Variants in MTRES1 observed in about 807,000 individuals in gnomAD.
The protein encoded by MTRES1 is uncharacterized protein C6orf203.
Under a neutral mutation model 17.4 loss-of-function variants are expected in MTRES1, and 11 were observed. The ratio of observed to expected loss-of-function variants is 0.63; its 90% CI spans 0.40 to 1.05. MTRES1 has a LOEUF of 1.05. Among genes scored for constraint, MTRES1 ranks in the 50% least tolerant of loss-of-function variants. The pLI, the probability that MTRES1 is intolerant of heterozygous loss-of-function variation, is 0.00. For missense variants in MTRES1, 268 were observed against 276.2 expected (o/e 0.97, Z 0.21); for synonymous variants, 94 against 99.6 (o/e 0.94, Z 0.34).
intron 2 of MTRES1, among the ~76,000 whole-genome samples, chr6:107,041,590 ATC>A (rs879963817): frequency 4.6e-5 from 7 of 152,006 alleles, no homozygotes; most frequent in Non-Finnish European, 7.4e-5. Flanking sequence ...CCATGGCACG[ATC>A]TCGGCTCACT....
intron 2 of MTRES1, among the ~76,000 whole-genome samples, chr6:107,042,314 T>C (rs1774245803): frequency 9.4e-6 from 1 of 106,602 alleles, no homozygotes; most frequent in Non-Finnish European, 1.7e-5. Context: ...CACTCCAGCC[T>C]GGGCAACAAA....
chr6:107,036,226 A>G (rs1554226919), intron 1 of MTRES1, among the ~76,000 whole-genome samples: 2 of 152,230 alleles, frequency 1.3e-5, no homozygotes, highest in African/African-American at 2.4e-5. Flanking sequence ...ATTTCTTATA[A>G]TGCAAAATTT....
At chr6:107,041,466 T>C (rs1774212632) in intron 2 of MTRES1, among the ~76,000 whole-genome samples, 1 of 152,184 alleles carries the variant, frequency 6.6e-6, no homozygotes, top group African/African-American at 2.4e-5. Flanking sequence ...GTTGGCTATT[T>C]TGAAGAAAAT....
chr6:107,037,352 G>A (rs949875344), intron 1 of MTRES1, among the ~76,000 whole-genome samples: 2 of 152,064 alleles, frequency 1.3e-5, no homozygotes, highest in Admixed American at 6.6e-5. Flanking sequence ...TTACCGGCAT[G>A]AGCCACCATG....
At chr6:107,032,642 C>T (rs1015634458) in intron 1 of MTRES1, among the ~76,000 whole-genome samples, 10 of 152,036 alleles carry the variant, frequency 6.6e-5, no homozygotes, top group African/African-American at 2.2e-4. Context: ...ACCCAGGAGG[C>T]GGAGGTTGCA....
intron 1 of MTRES1, chr6:107,029,927 C>T (rs1582588258): frequency 4.8e-6 from 3 of 628,746 alleles, no homozygotes; most frequent in Non-Finnish European, 8.5e-6. Flanking sequence ...CTCAATCCCC[C>T]TTACCCTGCT....
At chr6:107,047,082 G>A (rs1017249414) in intron 3 of MTRES1, among the ~76,000 whole-genome samples, 1 of 151,954 alleles carries the variant, frequency 6.6e-6, no homozygotes, top group Non-Finnish European at 1.5e-5. Flanking sequence ...GATTACAGGC[G>A]TGAGCCACCA....
intron 1 of MTRES1, among the ~76,000 whole-genome samples, chr6:107,037,061 G>A (rs1554227025): frequency 6.6e-6 from 1 of 151,846 alleles, no homozygotes; most frequent in Non-Finnish European, 1.5e-5. Flanking sequence ...ATACAGGCGT[G>A]AGCCACTGCG....
chr6:107,034,701 A>G (rs1773950815), intron 1 of MTRES1, among the ~76,000 whole-genome samples: 1 of 152,132 alleles, frequency 6.6e-6, no homozygotes, highest in East Asian at 1.9e-4. Flanking sequence ...AGGAGACTTG[A>G]CCTTGGTCGG....
intron 2 of MTRES1, among the ~76,000 whole-genome samples, chr6:107,041,446 C>G (rs1774211301): frequency 6.6e-6 from 1 of 152,186 alleles, no homozygotes; most frequent in African/African-American, 2.4e-5. Flanking sequence ...ATAGTAAGTA[C>G]TCAACATATG....
chr6:107,028,801 A>G, intron 1 of MTRES1: 5 of 721,048 alleles, frequency 6.9e-6, no homozygotes, highest in South Asian at 6.3e-5. Flanking sequence ...GTCTTCGGTT[A>G]GTTCAGATTG....
intron 1 of MTRES1, chr6:107,028,909 A>G: frequency 4.1e-6 from 4 of 983,974 alleles, no homozygotes; most frequent in Non-Finnish European, 4.8e-6. Context: ...GATCTTTTAA[A>G]ATGAACTTCC....
chr6:107,041,199 T>A (rs1234094491), intron 2 of MTRES1, among the ~76,000 whole-genome samples: 1 of 139,360 alleles, frequency 7.2e-6, no homozygotes, highest in Non-Finnish European at 1.5e-5. Flanking sequence ...CACTCCAGCC[T>A]GGGCGACAGA....
intron 3 of MTRES1, among the ~76,000 whole-genome samples, chr6:107,047,871 G>A (rs1774443815): frequency 2.0e-5 from 3 of 151,974 alleles, no homozygotes; most frequent in African/African-American, 7.2e-5. Flanking sequence ...GGGCAGCAGA[G>A]CGAGACTCCA....
At chr6:107,032,616 C>T (rs782459409) in intron 1 of MTRES1, among the ~76,000 whole-genome samples, 52 of 152,202 alleles carry the variant, frequency 3.4e-4, no homozygotes, top group Non-Finnish European at 4.7e-4. Flanking sequence ...GAGGCTGAGG[C>T]GGGAGAATTG....
rs996383903 is a variant in MTRES1, at chr6:107,037,210, C to G, written c.-12-2539C>G. 1.2e-4 allele frequency among the ~76,000 whole-genome samples: 18 copies of G among 152,302 alleles called. No homozygotes were observed. In the East Asian group the frequency reaches 1.9e-3, roughly 16 times the overall value. On this transcript the variant is annotated intron_variant, in intron 1 of 3. Coordinates refer to ENST00000311381, the MANE Select transcript of MTRES1 (RefSeq NM_016487.5). The stretch of plus-strand genomic sequence containing the variant: ...CACTGCAACCTCTGCCTCCCAGGTT[C>G]AAGCACCCGCCACCACACCTGGCTA...
At chr6:107,041,180 A>C (rs576226115) in intron 2 of MTRES1, among the ~76,000 whole-genome samples, 20 of 149,290 alleles carry the variant, frequency 1.3e-4, no homozygotes, top group Admixed American at 2.0e-4. Context: ...AGCCGAGATC[A>C]CGCCATTGCA....
At chr6:107,029,863 C>T (rs938334852) in intron 1 of MTRES1, among the ~76,000 whole-genome samples, 1 of 152,214 alleles carries the variant, frequency 6.6e-6, no homozygotes, top group Non-Finnish European at 1.5e-5. Context: ...GCCTTGGCCT[C>T]CCAAAGTGCT....
intron 2 of MTRES1, 124 bp from the exon 3 acceptor site, chr6:107,044,136 A>C (rs144780088): frequency 7.6e-6 from 5 of 661,968 alleles, no homozygotes; most frequent in African/African-American, 1.9e-5. Flanking sequence ...AACAAACAAA[A>C]AAAATAGATT....
Sources: gnomAD v4.1 joint callset for allele counts (sites outside exome capture counted in the v4.1 genomes callset) on GRCh38, gnomAD v4.1.1 for gene constraint, MANE v1.5 for transcripts, NCBI Gene and HGNC (gene_info 2026-07-23, HGNC 2026-07-21) for gene names.